Variants in CPQ observed in about 807,000 individuals in gnomAD.
The protein encoded by CPQ is Ser-Met dipeptidase.
CPQ carries 37 observed loss-of-function variants against 45.7 expected under a neutral mutation model. The observed-to-expected ratio is 0.81, with a 90% CI of 0.62 to 1.07. CPQ has a LOEUF of 1.07. Among genes scored for constraint, CPQ ranks in the 50% least tolerant of loss-of-function variants. The pLI, the probability that CPQ is intolerant of heterozygous loss-of-function variation, is 0.00. For missense variants in CPQ, 537 were observed against 572.9 expected, an observed-to-expected ratio of 0.94 and a Z score of 0.64; for synonymous variants, 186 against 205.8, an observed-to-expected ratio of 0.90 and a Z score of 0.82.
At chr8:97,003,537 CT>C (rs1277551594) in intron 5 of CPQ, among the ~76,000 whole-genome samples, 4 of 152,120 alleles carry the variant, frequency 2.6e-5, no homozygotes, top group Admixed American at 6.6e-5. Flanking sequence ...CTGTGGTGTA[CT>C]TTGGGGACCC....
At chr8:96,651,830 T>G (rs1221874305) in intron 1 of CPQ, among the ~76,000 whole-genome samples, 1 of 152,188 alleles carries the variant, frequency 6.6e-6, no homozygotes, top group Non-Finnish European at 1.5e-5. Context: ...TTTTTTATTT[T>G]ACTGTAAATT....
intron 3 of CPQ, among the ~76,000 whole-genome samples, chr8:96,876,888 C>T (rs1812153040): frequency 6.6e-6 from 1 of 151,904 alleles, no homozygotes; most frequent in Non-Finnish European, 1.5e-5. Flanking sequence ...CTGTAGTTTT[C>T]TTTTCTTGTG....
At chr8:96,718,672 A>C (rs991215785) in intron 1 of CPQ, among the ~76,000 whole-genome samples, 1 of 152,028 alleles carries the variant, frequency 6.6e-6, no homozygotes, top group African/African-American at 2.4e-5. Context: ...TTATTCTCTT[A>C]TCTGGCCCCA....
chr8:96,679,508 T>C (rs904288916), intron 1 of CPQ, among the ~76,000 whole-genome samples: 13 of 152,196 alleles, frequency 8.5e-5, no homozygotes, highest in African/African-American at 2.4e-4. Flanking sequence ...TGTTAGTTCT[T>C]CTTCATGAGT....
intron 7 of CPQ, among the ~76,000 whole-genome samples, chr8:97,138,469 C>T (rs1327746950): frequency 1.3e-5 from 2 of 152,128 alleles, no homozygotes; most frequent in Non-Finnish European, 1.5e-5. Context: ...GTCCACAAGA[C>T]AGGAGGTAGG....
At chr8:96,705,159 TC>T (rs1482491407) in intron 1 of CPQ, among the ~76,000 whole-genome samples, 1 of 152,216 alleles carries the variant, frequency 6.6e-6, no homozygotes, top group East Asian at 1.9e-4. Flanking sequence ...ATATGGCCTT[TC>T]TGAGTGGTTT....
intron 1 of CPQ, among the ~76,000 whole-genome samples, chr8:96,703,358 T>TA (rs1348271085): frequency 6.6e-6 from 1 of 152,210 alleles, no homozygotes; most frequent in African/African-American, 2.4e-5. Flanking sequence ...CTTCAGTTCA[T>TA]AAAATCTCAT....
intron 6 of CPQ, among the ~76,000 whole-genome samples, chr8:97,063,444 A>C (rs893300903): frequency 6.6e-6 from 1 of 152,100 alleles, no homozygotes; most frequent in Non-Finnish European, 1.5e-5. Context: ...TACTCTGTTG[A>C]TAGTTTCTTT....
chr8:96,747,117 G>T (rs1986306), intron 1 of CPQ, among the ~76,000 whole-genome samples: 7 of 151,614 alleles, frequency 4.6e-5, no homozygotes, highest in African/African-American at 7.3e-5. Context: ...ATGTTGAAAC[G>T]CTGTCTCTAC....
At chr8:96,983,334 G>A (rs770815950) in intron 5 of CPQ, among the ~76,000 whole-genome samples, 1 of 152,092 alleles carries the variant, frequency 6.6e-6, no homozygotes, top group African/African-American at 2.4e-5. Context: ...CTAAGTACTA[G>A]TTTAGCTGCA....
chr8:97,040,964 C>G (rs563347071), intron 6 of CPQ, among the ~76,000 whole-genome samples: 1 of 151,690 alleles, frequency 6.6e-6, no homozygotes, highest in Non-Finnish European at 1.5e-5. Context: ...CTTGGTGATG[C>G]GGGCTCTTTT....
chr8:97,013,718 G>T (rs1467709178), intron 5 of CPQ, among the ~76,000 whole-genome samples: 1 of 152,142 alleles, frequency 6.6e-6, no homozygotes, highest in Non-Finnish European at 1.5e-5. Flanking sequence ...TTTTGGAAAA[G>T]GGAGTAGTTG....
chr8:97,074,989 T>C (rs1246050272), intron 7 of CPQ, among the ~76,000 whole-genome samples: 1 of 152,108 alleles, frequency 6.6e-6, no homozygotes, highest in East Asian at 1.9e-4. Flanking sequence ...GATGCGAAGA[T>C]ACCGGAACGC....
chr8:97,130,922 T>C (rs191931593), intron 7 of CPQ, among the ~76,000 whole-genome samples: 2 of 152,258 alleles, frequency 1.3e-5, no homozygotes, highest in East Asian at 3.9e-4. Flanking sequence ...TTTGCATCTC[T>C]TCATCAGGTA....
intron 5 of CPQ, among the ~76,000 whole-genome samples, chr8:96,971,226 T>C (rs1433132068): frequency 6.6e-6 from 1 of 152,200 alleles, no homozygotes; most frequent in Non-Finnish European, 1.5e-5. Context: ...GAGCCTGAGA[T>C]TGCCAGAATA....
intron 1 of CPQ, among the ~76,000 whole-genome samples, chr8:96,671,461 C>G (rs114505075): frequency 0.012 from 1,804 of 152,200 alleles, 48 homozygotes; most frequent in African/African-American, 0.039. Flanking sequence ...CTTAACTTGC[C>G]AAGAATATCC....
At chr8:96,831,062 A>G (rs1811452098) in intron 2 of CPQ, among the ~76,000 whole-genome samples, 1 of 152,206 alleles carries the variant, frequency 6.6e-6, no homozygotes, top group South Asian at 2.1e-4. Context: ...ATTAGTGTAA[A>G]TAATGGACAT....
chr8:97,102,504 T>C (rs1811330913), intron 7 of CPQ, among the ~76,000 whole-genome samples: 1 of 152,186 alleles, frequency 6.6e-6, no homozygotes, highest in African/African-American at 2.4e-5. Flanking sequence ...GCCTTTTCAC[T>C]TACCTTCTTT....
intron 1 of CPQ, among the ~76,000 whole-genome samples, chr8:96,692,224 A>G (rs557223885): frequency 1.3e-5 from 2 of 152,326 alleles, no homozygotes; most frequent in East Asian, 3.9e-4. Context: ...CTGCTGAATT[A>G]CAGTAGGCTT....
Sources: allele counts gnomAD v4.1 joint callset (sites outside exome capture counted in the v4.1 genomes callset), GRCh38; gene constraint gnomAD v4.1.1; transcripts MANE v1.5; gene names NCBI Gene and HGNC (gene_info 2026-07-23, HGNC 2026-07-21).